Variants in CYFIP1 observed in about 807,000 individuals in gnomAD.
CYFIP1 encodes the protein cytoplasmic FMR1 interacting protein 1.
CYFIP1 carries 58 observed loss-of-function variants against 163.5 expected under a neutral mutation model. The observed-to-expected ratio is 0.35, with a 90% CI of 0.29 to 0.44. The LOEUF (loss-of-function observed/expected upper bound fraction) is 0.44, where lower values mean the gene tolerates loss of function less well. CYFIP1 is among the 20% of genes least tolerant of loss of function. The pLI is 1.00. For synonymous variants in CYFIP1, 663 were observed against 660.7 expected (o/e 1.00, Z -0.05); for missense variants, 1,338 against 1,653.8 (o/e 0.81, Z 3.31).
chr15:22,905,530 C>T (rs1321665240), intron 21 of CYFIP1: 1 of 149,920 alleles, frequency 6.7e-6, no homozygotes, highest in Non-Finnish European at 1.5e-5. Context: ...TCAAAAACTC[C>T]TGGGTTCAAG....
intron 8 of CYFIP1, among the ~76,000 whole-genome samples, 172 bp downstream of exon 8, chr15:22,939,020 G>A (rs543959615): frequency 2.6e-5 from 4 of 151,896 alleles, no homozygotes; most frequent in Admixed American, 6.6e-5. Flanking sequence ...CACTCATGGG[G>A]TGTGTTGAGA....
At position 22,917,344 on chromosome 15, in the gene CYFIP1, G is replaced by C. The variant is rs999566501; in HGVS notation, c.1674+444C>G. The C allele has an allele frequency of 6.3e-6, 8 of 1,272,770 alleles. No individual in the cohort carries two copies. The African/African-American group carries it at 1.1e-4, about 17-fold the overall frequency. The allele number at this position is 1,272,770 out of a possible 1,614,324, so 78.8% of individuals were successfully genotyped here. On this transcript the variant is annotated intron_variant, in intron 15 of 30. Transcript: ENST00000617928. This position sits in a 1 kb window ranked among gnomAD's most constrained non-coding sequence, Gnocchi z 4.2. ...AAAGTCGTGAGAAGCACCTCGGGGA[G>C]GCCTGAACACACCAGGAGAGAGGAC...
intron 6 of CYFIP1, among the ~76,000 whole-genome samples, chr15:22,940,115 G>C (rs1292882445): frequency 4.6e-5 from 7 of 152,214 alleles, no homozygotes; most frequent in Non-Finnish European, 8.8e-5. Context: ...GGGTGAAGGT[G>C]GGGGTGTGAG....
chr15:22,917,199 C>T lies in CYFIP1; in HGVS notation c.1675-569G>A. 1 of 1,421,528 alleles carries T rather than the reference C, an allele frequency of 7.0e-7. No homozygotes were observed. The highest frequency in any genetic ancestry group is 1.4e-5 in the African/African-American group (1 of 69,606). 88.1% of individuals were successfully genotyped at this position (1,421,528 alleles called of 1,614,324 possible). On this transcript the variant is annotated intron_variant, in intron 15 of 30. Transcript: ENST00000617928. The surrounding 1 kb of genome is among the most constrained non-coding windows in gnomAD (Gnocchi z 4.2). ...ACCCTCCTGCAGAGCCAGCAGCGTGCATTGCTGGTGACTTTCCAGAAGAGT... is the reference window on the plus strand; with the variant it reads ...ACCCTCCTGCAGAGCCAGCAGCGTGTATTGCTGGTGACTTTCCAGAAGAGT...
At chr15:22,887,139 T>A (rs1262940565) in intron 23 of CYFIP1, among the ~76,000 whole-genome samples, 1 of 152,206 alleles carries the variant, frequency 6.6e-6, no homozygotes, top group African/African-American at 2.4e-5. Context: ...CTGATCCTGC[T>A]TTGTACCCCT....
chr15:22,936,221 G>C (rs1248371127), intron 9 of CYFIP1, among the ~76,000 whole-genome samples: 3 of 152,244 alleles, frequency 2.0e-5, no homozygotes, highest in South Asian at 2.1e-4. Context: ...CTGGATGACA[G>C]AGCGAGGGCC....
chr15:22,867,316 G>A lies in CYFIP1; in HGVS notation c.*2712C>T, dbSNP rs1484469208. 1 of 397,800 alleles carries A rather than the reference G, an allele frequency of 2.5e-6. No homozygotes were observed. The highest frequency in any genetic ancestry group is 4.4e-6 in the Non-Finnish European group (1 of 225,750). The allele number at this position is 397,800 out of a possible 1,614,324, so 24.6% of individuals were successfully genotyped here. A position where few individuals can be genotyped will look rare whatever the true frequency, so the allele number is the denominator to read the frequency against. On this transcript the variant is annotated 3_prime_UTR_variant, in exon 31 of 31. Coordinates refer to ENST00000617928, the MANE Select transcript of CYFIP1 (RefSeq NM_014608.6). ...AAGTGGCTCCTGTTTGTTTGATGAT[G>A]ATTGGTTTTATTTTTGAAATATTTA...
At chr15:22,894,805 AT>A (rs1050294354) in intron 22 of CYFIP1, among the ~76,000 whole-genome samples, 2 of 147,352 alleles carry the variant, frequency 1.4e-5, no homozygotes, top group African/African-American at 2.5e-5. Context: ...TAATACATGT[AT>A]TTATTCTATA....
At chr15:22,878,138 C>T (rs938640914) in intron 26 of CYFIP1, among the ~76,000 whole-genome samples, 15 of 152,166 alleles carry the variant, frequency 9.9e-5, no homozygotes, top group Non-Finnish European at 2.2e-4. Flanking sequence ...GCTCTGGAGA[C>T]GAAGTGCCAT....
chr15:22,867,505 C>T lies in CYFIP1; in HGVS notation c.*2523G>A, dbSNP rs1205740738. 1 of 285,764 alleles carries T rather than the reference C, an allele frequency of 3.5e-6. No homozygotes were observed. Among genetic ancestry groups the T allele is most frequent in the African/African-American group, 2.2e-5 (1 of 46,122 alleles). 17.7% of individuals were successfully genotyped at this position (285,764 alleles called of 1,614,324 possible). ...TTAGCACCTCATCAAGCCAGCACAT[C>T]CTGCCTGCTGTTGCAGCCTGGCTGG... is the stretch of plus-strand genomic sequence containing the variant. On this transcript the variant is annotated 3_prime_UTR_variant, in exon 31 of 31. Coordinates refer to ENST00000617928, the MANE Select transcript of CYFIP1 (RefSeq NM_014608.6).
At chr15:22,872,288 T>A (rs1438090221) in intron 30 of CYFIP1, among the ~76,000 whole-genome samples, 1 of 102,430 alleles carries the variant, frequency 9.8e-6, no homozygotes, top group Non-Finnish European at 2.0e-5. Flanking sequence ...AGAGCGAAAC[T>A]GTCTCAAAAA....
At chr15:22,930,414 T>C (rs1466814542) in intron 11 of CYFIP1, among the ~76,000 whole-genome samples, 3 of 112,402 alleles carry the variant, frequency 2.7e-5, no homozygotes, top group Non-Finnish European at 4.1e-5. Flanking sequence ...AAAAAAAAAC[T>C]GTACTCCGAA....
At chr15:22,925,626 T>C (rs1365517392) in intron 13 of CYFIP1, among the ~76,000 whole-genome samples, 2 of 152,132 alleles carry the variant, frequency 1.3e-5, no homozygotes, top group Non-Finnish European at 2.9e-5. Flanking sequence ...GAGCTGCCCA[T>C]GGAAAGGCTC....
In CYFIP1 at chr15:22,967,027, T is replaced by C. The variant is rs1476723609; in HGVS notation, c.-7+13260A>G. On this transcript the variant is annotated intron_variant, in intron 1 of 30. Transcript: ENST00000617928. ...TTTTTTTTTTCTGCAGGGGAGCCAA[T>C]AAAAAAAGCTGATAAAAGATGAAAA... Among the ~76,000 whole-genome samples the C allele has an allele frequency of 6.7e-5, 10 of 149,122 alleles. No homozygotes were observed. In the South Asian group the frequency reaches 2.1e-3, roughly 32 times the overall value.
At chr15:22,878,940 G>C (rs182675203) in intron 26 of CYFIP1, among the ~76,000 whole-genome samples, 2 of 152,076 alleles carry the variant, frequency 1.3e-5, no homozygotes, top group Non-Finnish European at 2.9e-5. Flanking sequence ...TTGGAGACCA[G>C]CCTGGCTAAC....
chr15:22,926,072 G>A lies in CYFIP1; in HGVS notation c.1269C>T (p.Tyr423=). The A allele has an allele frequency of 6.2e-7, 1 of 1,614,202 alleles. No homozygotes were observed. Reference sequence around the variant, plus strand: ...CGCTGTCGGGGCAGTCCTTGTTGGAGTACTTGTCGGTGGGGTGCACAAGCT... The same window carrying A: ...CGCTGTCGGGGCAGTCCTTGTTGGAATACTTGTCGGTGGGGTGCACAAGCT... The part of the protein sequence containing the change: ...SWKLVHPTDK[Y]SNKDCPDSAE... The change falls in exon 13 of 31, where the codon TAC becomes TAT. Residue 423 remains tyrosine, a synonymous_variant. Transcript: ENST00000617928.
At chr15:22,909,616 T>C (rs940143225) in intron 20 of CYFIP1, among the ~76,000 whole-genome samples, 1 of 152,216 alleles carries the variant, frequency 6.6e-6, no homozygotes, top group Non-Finnish European at 1.5e-5. Flanking sequence ...AAAATGTGCA[T>C]GATGATTATT....
intron 21 of CYFIP1, among the ~76,000 whole-genome samples, chr15:22,908,699 T>G (rs1184317630): frequency 6.6e-6 from 1 of 151,596 alleles, no homozygotes; most frequent in Non-Finnish European, 1.5e-5. Flanking sequence ...CGCCTAATTT[T>G]TGTAGTTTTA....
intron 1 of CYFIP1, 76 bp from the exon 2 acceptor site, chr15:22,947,367 C>T: frequency 1.3e-6 from 2 of 1,571,340 alleles, no homozygotes; most frequent in South Asian, 2.4e-5. Context: ...GTTGGGTACC[C>T]AGGCCTCTAA....
Sources: gnomAD v4.1 joint callset for allele counts (sites outside exome capture counted in the v4.1 genomes callset) on GRCh38, gnomAD v4.1.1 for gene constraint, Gnocchi (gnomAD v3.1) non-coding constraint, MANE v1.5 for transcripts, NCBI Gene and HGNC (gene_info 2026-07-23, HGNC 2026-07-21) for gene names.